MYB: variants seen among roughly 807,000 people sequenced by gnomAD.
The protein encoded by MYB is MYB proto-oncogene, transcription factor.
Under a neutral mutation model 92.9 loss-of-function variants are expected in MYB, and 28 were observed. The observed-to-expected ratio is 0.30, with a 90% confidence interval of 0.22 to 0.41. The LOEUF (loss-of-function observed/expected upper bound fraction) is 0.41, where lower values mean the gene tolerates loss of function less well. MYB is among the 10% of genes least tolerant of loss of function. The pLI is 1.00. For synonymous variants in MYB, 295 were observed against 329.1 expected (o/e 0.90, Z 1.12); for missense variants, 679 against 929.3 (o/e 0.73, Z 3.50).
At chr6:135,186,125 C>T in intron 2 of MYB, 105 bp downstream of exon 2, 1 of 879,978 alleles carries the variant, frequency 1.1e-6, no homozygotes, top group Admixed American at 2.1e-5. Flanking sequence ...TAGCAGGCTC[C>T]TTGAGATCTT....
chr6:135,203,430 T>C lies in MYB; in HGVS notation c.2169+106T>C, dbSNP rs183491959. 100 of 911,316 alleles carry C rather than the reference T, an allele frequency of 1.1e-4. No individual in the cohort carries two copies. In the African/African-American group the frequency reaches 1.5e-3, roughly 14 times the overall value. 56.5% of individuals were successfully genotyped at this position (911,316 alleles called of 1,614,324 possible). Reference sequence around the variant, plus strand: ...GATGGTAGTGCTGGTGGTCTGTTTTTCGTTTTCAACATTTTAGACATAGGG... The same window carrying C: ...GATGGTAGTGCTGGTGGTCTGTTTTCCGTTTTCAACATTTTAGACATAGGG... On this transcript the variant is annotated intron_variant, in intron 15 of 15. Coordinates refer to ENST00000341911, the MANE Select transcript of MYB (RefSeq NM_001130173.2).
At chr6:135,211,178 C>T (rs1012775225) in intron 15 of MYB, among the ~76,000 whole-genome samples, 5 of 148,742 alleles carry the variant, frequency 3.4e-5, no homozygotes, top group Non-Finnish European at 5.9e-5. Context: ...CTTTCCGAGC[C>T]TTTTTCATCT....
chr6:135,212,948 C>T (rs55823813), intron 15 of MYB, among the ~76,000 whole-genome samples: 2 of 152,124 alleles, frequency 1.3e-5, no homozygotes, highest in Non-Finnish European at 1.5e-5. Flanking sequence ...AGAAAGGGAG[C>T]GTTTCTTTTT....
intron 5 of MYB, 150 bp from the exon 6 acceptor site, chr6:135,192,174 A>ATC: frequency 1.6e-6 from 1 of 642,778 alleles, no homozygotes; most frequent in Non-Finnish European, 2.7e-6. Flanking sequence ...GCCTGATCTC[A>ATC]GAGGGTGGAG....
rs75319703 is a variant in MYB at position 135,214,660 on chromosome 6, C to T, written c.2170-3204C>T. On this transcript the variant is annotated intron_variant, in intron 15 of 15. Transcript: ENST00000341911. Reference sequence around the variant, plus strand: ...TTCATATTCACCATATTGAACTATTCACCCTCAAGTAGTCACTATTAAATG... The same window carrying T: ...TTCATATTCACCATATTGAACTATTTACCCTCAAGTAGTCACTATTAAATG... Among the ~76,000 whole-genome samples, 502 of 152,318 alleles carry T rather than the reference C, an allele frequency of 3.3e-3. 1 individual carries two copies. Among genetic ancestry groups the T allele is most frequent in the African/African-American group, 0.012 (486 of 41,564 alleles).
At position 135,217,874 on chromosome 6, in the gene MYB, G is replaced by A; in HGVS notation, c.2180G>A (p.Ser727Asn). The part of the protein sequence containing the change: ...SLASPLQPCS[S>N]TWEPASCGKM... The stretch of plus-strand genomic sequence containing the variant: ...CCCTTTCTCCATCAGCCTTGTAGCA[G>A]TACCTGGGAACCTGCATCCTGTGGA... The change falls in exon 16 of 16, where the codon AGT becomes AAT. Residue 727 changes from serine (S) to asparagine (N), a missense_variant. Physicochemically the swap from Ser to Asn is conservative, Grantham distance 46. Coordinates refer to ENST00000341911, the MANE Select transcript of MYB (RefSeq NM_001130173.2). 1 of 1,610,252 alleles carries A rather than the reference G, an allele frequency of 6.2e-7. No individual in the cohort carries two copies. Among genetic ancestry groups the A allele is most frequent in the Non-Finnish European group, 8.5e-7 (1 of 1,176,676 alleles).
At chr6:135,211,659 C>A (rs1000380763) in intron 15 of MYB, among the ~76,000 whole-genome samples, 1 of 152,132 alleles carries the variant, frequency 6.6e-6, no homozygotes, top group African/African-American at 2.4e-5. Context: ...CTTAGAAAGT[C>A]TATCAACGTG....
At chr6:135,196,795 T>C (rs1360200032) in intron 9 of MYB, 166 bp from the exon 10 acceptor site, 1 of 1,560,962 alleles carries the variant, frequency 6.4e-7, no homozygotes. Context: ...TAGACCCTGC[T>C]CTACTGCAGT....
At position 135,200,163 on chromosome 6, in the gene MYB, A is replaced by G; in HGVS notation, c.1788A>G (p.Ala596=). ...CTACACCATTCAAACATGCACTTGC[A>G]GCTCAAGAAATTAAATACGGTCCCC... ...RTPTPFKHAL[A]AQEIKYGPLK... Residue 596 remains alanine (A), a synonymous_variant, in exon 12 of 16, where the codon GCA becomes GCG. Transcript: ENST00000341911. 1 of 1,614,228 alleles carries G rather than the reference A, an allele frequency of 6.2e-7. No homozygotes were observed.
At chr6:135,183,243 G>A (rs1775399750) in intron 1 of MYB, among the ~76,000 whole-genome samples, 1 of 152,098 alleles carries the variant, frequency 6.6e-6, no homozygotes, top group Admixed American at 6.5e-5. Flanking sequence ...CGGGCTCGGA[G>A]CCGTTTCTTG....
intron 15 of MYB, among the ~76,000 whole-genome samples, chr6:135,214,760 T>A (rs1206810075): frequency 6.6e-6 from 1 of 152,244 alleles, no homozygotes; most frequent in African/African-American, 2.4e-5. Flanking sequence ...TTTTAATTGG[T>A]TTCCTGTGTC....
chr6:135,189,891 C>G lies in MYB; in HGVS notation c.306+8C>G, dbSNP rs754878048. The G allele has an allele frequency of 1.9e-6, 3 of 1,607,538 alleles. No homozygotes were observed. The Admixed American group carries it at 5.0e-5, about 27-fold the overall frequency. On this transcript the variant is annotated splice_region_variant and intron_variant, in intron 4 of 15. Coordinates refer to ENST00000341911, the MANE Select transcript of MYB (RefSeq NM_001130173.2). ...AAAGAAGAAGATCAGAGAGTAAGTT[C>G]TTTCTTCATTGGTGTGTGACTCATA...
intron 15 of MYB, among the ~76,000 whole-genome samples, chr6:135,208,318 C>T (rs1779257192): frequency 6.6e-6 from 1 of 151,842 alleles, no homozygotes; most frequent in African/African-American, 2.4e-5. Flanking sequence ...ACCTCATGAT[C>T]GGCCCGCCTT....
At position 135,218,264 on chromosome 6, in the gene MYB, A is replaced by C. The variant is rs1400075188; in HGVS notation, c.*284A>C. On this transcript the variant is annotated 3_prime_UTR_variant, in exon 16 of 16. Coordinates refer to ENST00000341911, the MANE Select transcript of MYB (RefSeq NM_001130173.2). ...GCAGATTTTTTTAAAAAAAACATAA[A>C]ATGATTTATCTGTATTTTAAAGGAT... The C allele has an allele frequency of 8.8e-6, 3 of 340,676 alleles. No homozygotes were observed. Among genetic ancestry groups the C allele is most frequent in the Non-Finnish European group, 1.6e-5 (3 of 184,968 alleles). 21.1% of individuals were successfully genotyped at this position (340,676 alleles called of 1,614,324 possible). A position where few individuals can be genotyped will look rare whatever the true frequency, so the allele number is the denominator to read the frequency against.
At chr6:135,185,410 AT>A (rs1213707358) in intron 1 of MYB, among the ~76,000 whole-genome samples, 2 of 152,008 alleles carry the variant, frequency 1.3e-5, no homozygotes, top group Admixed American at 6.6e-5. Context: ...CTACTTCTTG[AT>A]TTTTTTCTTC....
In MYB at chr6:135,197,223, C is replaced by T. The variant is rs779236470; in HGVS notation, c.1466C>T (p.Pro489Leu). The change falls in exon 10 of 16, where the codon CCC becomes CTC. Residue 489 changes from proline (P) to leucine (L), a missense_variant. Around this residue, in one of 8 missense-constraint regions of MYB, gnomAD observed 402 missense variants for 434.2 expected, o/e 0.93. Transcript: ENST00000341911. Reference sequence around the variant, plus strand: ...CGAAAAAAACGGGGCCAGGCCAGCCCCTTAGCCACTGGAGACTGTAGCTCC... The same window carrying T: ...CGAAAAAAACGGGGCCAGGCCAGCCTCTTAGCCACTGGAGACTGTAGCTCC... ...ILRKKRGQASPLATGDCSSFI... is the reference protein window; with the variant it reads ...ILRKKRGQASLLATGDCSSFI... The T allele has an allele frequency of 6.2e-7, 1 of 1,613,972 alleles. No homozygotes were observed. The highest frequency in any genetic ancestry group is 1.1e-5 in the South Asian group (1 of 91,080).
intron 3 of MYB, among the ~76,000 whole-genome samples, chr6:135,188,762 A>G (rs1776272296): frequency 6.6e-6 from 1 of 152,004 alleles, no homozygotes. Flanking sequence ...TGCCCACCTC[A>G]GCCTCCCGAA....
At chr6:135,197,902 C>A (rs1056606403) in intron 10 of MYB, among the ~76,000 whole-genome samples, 4 of 152,092 alleles carry the variant, frequency 2.6e-5, no homozygotes, top group Admixed American at 6.5e-5. Flanking sequence ...TGAGTTGTGC[C>A]ATACTATTTT....
chr6:135,204,238 G>A (rs1406415485), intron 15 of MYB, among the ~76,000 whole-genome samples: 1 of 152,188 alleles, frequency 6.6e-6, no homozygotes, highest in Non-Finnish European at 1.5e-5. Flanking sequence ...TCCAAATTGT[G>A]AGAATCTGAA....
Sources: allele counts gnomAD v4.1 joint callset (sites outside exome capture counted in the v4.1 genomes callset), GRCh38; gene constraint gnomAD v4.1.1; regional missense constraint gnomAD v4.1.1; transcripts MANE v1.5; gene names NCBI Gene and HGNC (gene_info 2026-07-23, HGNC 2026-07-21).